The following DCAF1 variants were observed in gnomAD, a reference collection of about 807,000 sequenced individuals.
The protein encoded by DCAF1 is DDB1- and CUL4-associated factor 1.
A neutral mutation model predicts 128.0 loss-of-function variants in DCAF1; 15 were observed. That is an observed-to-expected ratio of 0.12 (90% CI 0.08 to 0.18). The LOEUF (loss-of-function observed/expected upper bound fraction) is 0.18, where lower values mean the gene tolerates loss of function less well. Among genes scored for constraint, DCAF1 ranks in the 10% least tolerant of loss-of-function variants. DCAF1 has a pLI of 1.00. For synonymous variants in DCAF1, 610 were observed against 603.0 expected (o/e 1.01, Z -0.17); for missense variants, 988 against 1,649.5 (o/e 0.60, Z 6.95).
intron 24 of DCAF1, among the ~76,000 whole-genome samples, chr3:51,399,390 G>C (rs1378759484): frequency 6.6e-6 from 1 of 152,160 alleles, no homozygotes; most frequent in Non-Finnish European, 1.5e-5. Flanking sequence ...TCAGAATATA[G>C]TCTGCAAATT....
chr3:51,460,215 G>A (rs1227705041), intron 6 of DCAF1, among the ~76,000 whole-genome samples: 1 of 152,096 alleles, frequency 6.6e-6, no homozygotes, highest in Non-Finnish European at 1.5e-5. Flanking sequence ...AAAGTCTCAG[G>A]ATACAAAATC....
rs548925868 is a variant in DCAF1 at position 51,493,869 on chromosome 3, C to T, written c.-9+2865G>A. The stretch of plus-strand genomic sequence containing the variant: ...AAAATTAGCCGGGCGTGGTGGCATG[C>T]GCCTGTAGTCCTAGCTACTCAGGAG... On this transcript the variant is annotated intron_variant, in intron 2 of 24. Coordinates refer to ENST00000684031, the MANE Select transcript of DCAF1 (RefSeq NM_001387579.1). Among the ~76,000 whole-genome samples, 4 of 151,386 alleles carry T rather than the reference C, an allele frequency of 2.6e-5. No homozygotes were observed. In the East Asian group the frequency reaches 8.0e-4, roughly 30 times the overall value.
intron 9 of DCAF1, among the ~76,000 whole-genome samples, chr3:51,435,020 G>A (rs1700689267): frequency 6.6e-6 from 1 of 152,134 alleles, no homozygotes; most frequent in African/African-American, 2.4e-5. Flanking sequence ...AAGGTCAATG[G>A]AAAAAACAGG....
intron 3 of DCAF1, among the ~76,000 whole-genome samples, chr3:51,471,344 C>T (rs1275551586): frequency 6.6e-6 from 1 of 151,736 alleles, no homozygotes; most frequent in Non-Finnish European, 1.5e-5. Context: ...CCACCACGCC[C>T]GGCTAACTTT....
intron 2 of DCAF1, among the ~76,000 whole-genome samples, chr3:51,496,117 C>A (rs1401687100): frequency 1.3e-5 from 2 of 152,028 alleles, no homozygotes; most frequent in African/African-American, 4.8e-5. Flanking sequence ...TATGGAGAAA[C>A]CCTGTCTCTA....
At chr3:51,499,360 A>C (rs1013642734) in intron 1 of DCAF1, among the ~76,000 whole-genome samples, 2 of 152,158 alleles carry the variant, frequency 1.3e-5, no homozygotes, top group African/African-American at 4.8e-5. Context: ...CGCACGGTCC[A>C]AGAGGCAGGC....
intron 23 of DCAF1, among the ~76,000 whole-genome samples, chr3:51,404,119 C>T (rs1325017915): frequency 6.6e-6 from 1 of 152,228 alleles, no homozygotes; most frequent in Non-Finnish European, 1.5e-5. Context: ...TACATTCTGG[C>T]ATCTGCCACA....
rs1699996509 is a variant in DCAF1 at position 51,427,359 on chromosome 3, T to C, written c.1847+13A>G. The C allele has an allele frequency of 1.4e-6, 1 of 693,714 alleles. No homozygotes were observed. Among genetic ancestry groups the C allele is most frequent in the African/African-American group, 1.8e-5 (1 of 55,264 alleles). The allele number at this position is 693,714 out of a possible 1,614,324, so 43.0% of individuals were successfully genotyped here. ...TGCATCAAACTTCATTTGAAATCTC[T>C]CTCTGGTCCCACCTTGCATAATAGG... On this transcript the variant is annotated intron_variant, in intron 13 of 24. Coordinates refer to ENST00000684031, the MANE Select transcript of DCAF1 (RefSeq NM_001387579.1).
Position 51,401,000 on chromosome 3 carries a change from C to G in DCAF1, c.4465+2143G>C, listed in dbSNP as rs1345798833. 2.0e-5 allele frequency among the ~76,000 whole-genome samples: 3 copies of G among 151,714 alleles called. 1 individual carries two copies. Among genetic ancestry groups the G allele is most frequent in the Admixed American group, 2.0e-4 (3 of 15,258 alleles). ...ACAAAAAATTAGCTGGGGGTGGTGGCGGGCGCCTGTAGTCCCAGCTACTCA... is the reference window on the plus strand; with the variant it reads ...ACAAAAAATTAGCTGGGGGTGGTGGGGGGCGCCTGTAGTCCCAGCTACTCA... On this transcript the variant is annotated intron_variant, in intron 24 of 24. Transcript: ENST00000684031.
intron 23 of DCAF1, among the ~76,000 whole-genome samples, chr3:51,411,751 T>C (rs782307902): frequency 6.6e-5 from 10 of 152,120 alleles, no homozygotes; most frequent in Non-Finnish European, 1.2e-4. Context: ...TTCTGTTTTT[T>C]ATTGACATTG....
intron 23 of DCAF1, among the ~76,000 whole-genome samples, chr3:51,411,064 G>A (rs145434050): frequency 4.3e-4 from 65 of 152,120 alleles, no homozygotes; most frequent in African/African-American, 1.5e-3. Context: ...AGGAGGCTGA[G>A]GCAGGAGAAT....
intron 1 of DCAF1, among the ~76,000 whole-genome samples, chr3:51,498,060 A>C (rs1708430202): frequency 7.4e-6 from 1 of 135,188 alleles, no homozygotes. Flanking sequence ...AAAAAAAAAA[A>C]AAAAAAAAAA....
intron 24 of DCAF1, among the ~76,000 whole-genome samples, chr3:51,400,513 A>G (rs2106783982): frequency 6.6e-6 from 1 of 152,310 alleles, no homozygotes; most frequent in Middle Eastern, 3.4e-3. Flanking sequence ...CAGCTTAACG[A>G]GGTCACAGCA....
chr3:51,449,076 C>T (rs560304500), intron 6 of DCAF1, among the ~76,000 whole-genome samples: 30 of 152,292 alleles, frequency 2.0e-4, no homozygotes, highest in Non-Finnish European at 4.1e-4. Flanking sequence ...AATTAAACAT[C>T]ACTCTTAAAT....
At chr3:51,477,075 C>G (rs1705554538) in intron 3 of DCAF1, among the ~76,000 whole-genome samples, 1 of 151,954 alleles carries the variant, frequency 6.6e-6, no homozygotes, top group Non-Finnish European at 1.5e-5. Flanking sequence ...GAGTGAGACT[C>G]CATCTCAAAA....
In DCAF1 at chr3:51,418,249, A is replaced by C. The variant is rs372814511; in HGVS notation, c.3436-51T>G. 55 of 1,556,710 alleles carry C rather than the reference A, an allele frequency of 3.5e-5. No individual in the cohort carries two copies. In the African/African-American group the frequency reaches 5.9e-4, roughly 17 times the overall value. On this transcript the variant is annotated intron_variant, in intron 16 of 24. Transcript: ENST00000684031. ...TAACCACGTATTTACATACATGCAG[A>C]TGTCACTACCTGCCATTAGCATTTT...
At chr3:51,443,590 A>G (rs1701570395) in intron 7 of DCAF1, among the ~76,000 whole-genome samples, 176 bp downstream of exon 7, 1 of 131,274 alleles carries the variant, frequency 7.6e-6, no homozygotes, top group Non-Finnish European at 1.8e-5. Context: ...ACTCCGTCTC[A>G]AAAAAAAAAA....
chr3:51,432,401 C>CA (rs1360636201), intron 10 of DCAF1, among the ~76,000 whole-genome samples: 1 of 151,298 alleles, frequency 6.6e-6, no homozygotes, highest in Non-Finnish European at 1.5e-5. Flanking sequence ...CAAACATATA[C>CA]ACCCCTATAT....
rs2089862409 is a variant in DCAF1 at position 51,403,237 on chromosome 3, A to G, written c.4371T>C (p.Ser1457=). The change falls in exon 24 of 25, where the codon TCT becomes TCC. Residue 1457 remains serine (S), a synonymous_variant. Transcript: ENST00000684031. Reference sequence around the variant, plus strand: ...CTAGAAGGTTTGCTAGCTCCTCATCAGAGGGAGAGAAGTCATTGTCCCCAT... The same window carrying G: ...CTAGAAGGTTTGCTAGCTCCTCATCGGAGGGAGAGAAGTCATTGTCCCCAT... ...GEDGDNDFSP[S]DEELANLLEE... is the part of the protein sequence containing the mutation. 1 of 1,613,798 alleles carries G rather than the reference A, an allele frequency of 6.2e-7. No individual in the cohort carries two copies. Among genetic ancestry groups the G allele is most frequent in the East Asian group, 2.2e-5 (1 of 44,874 alleles).
Sources: allele counts gnomAD v4.1 joint callset (sites outside exome capture counted in the v4.1 genomes callset), GRCh38; gene constraint gnomAD v4.1.1; transcripts MANE v1.5; gene names NCBI Gene and HGNC (gene_info 2026-07-23, HGNC 2026-07-21).